The following CFAP61 variants were observed in gnomAD, a reference collection of about 807,000 sequenced individuals.
The protein encoded by CFAP61 is cilia and flagella associated protein 61, also known as cilia- and flagella-associated protein 61.
A neutral mutation model predicts 135.6 loss-of-function variants in CFAP61; 107 were observed. The observed-to-expected ratio is 0.79, with a 90% confidence interval of 0.67 to 0.93. CFAP61 has a LOEUF of 0.93. Among genes scored for constraint, CFAP61 ranks in the 40% least tolerant of loss-of-function variants. The pLI is 0.00. For missense variants in CFAP61, 1,507 were observed against 1,556.2 expected, an observed-to-expected ratio of 0.97 and a Z score of 0.53; for synonymous variants, 575 against 578.5, an observed-to-expected ratio of 0.99 and a Z score of 0.09.
chr20:20,120,732 GA>G (rs1223462882), intron 8 of CFAP61, among the ~76,000 whole-genome samples: 1 of 152,130 alleles, frequency 6.6e-6, no homozygotes, highest in Non-Finnish European at 1.5e-5. Flanking sequence ...GTGGAGTGTT[GA>G]AGCCCTTACT....
intron 25 of CFAP61, among the ~76,000 whole-genome samples, chr20:20,322,361 G>A (rs970773305): frequency 1.6e-4 from 24 of 152,308 alleles, no homozygotes; most frequent in African/African-American, 5.8e-4. Flanking sequence ...GTCCCAACAT[G>A]ACTGTTGGGG....
Position 20,274,119 on chromosome 20 carries a change from G to A in CFAP61, c.2504-3047G>A, listed in dbSNP as rs544693188. Among the ~76,000 whole-genome samples, 26 of 152,046 alleles carry A rather than the reference G, an allele frequency of 1.7e-4. No homozygotes were observed. In the South Asian group the frequency reaches 3.8e-3, roughly 22 times the overall value. On this transcript the variant is annotated intron_variant, in intron 21 of 26. Coordinates refer to ENST00000245957, the MANE Select transcript of CFAP61 (RefSeq NM_015585.4). ...TTGCTGTATGACAACATTATATATG[G>A]GCATTTGAGTGAAACCCATGTTATT...
At chr20:20,268,150 A>C (rs551383951) in intron 21 of CFAP61, among the ~76,000 whole-genome samples, 3 of 152,324 alleles carry the variant, frequency 2.0e-5, no homozygotes, top group Admixed American at 6.5e-5. Context: ...TTACTCCCTC[A>C]GTGCTAATTT....
rs538447182 is a variant in CFAP61 at position 20,179,070 on chromosome 20, A to G, written c.1386-8860A>G. Among the ~76,000 whole-genome samples the G allele has an allele frequency of 2.1e-4, 32 of 152,334 alleles. No individual in the cohort carries two copies. In the South Asian group the frequency reaches 6.0e-3, roughly 29 times the overall value. ...AAGACATAAAGGGCATCCAGATAGG[A>G]AGAGAGGAAGTCAAACTATTCCTGT... On this transcript the variant is annotated intron_variant, in intron 13 of 26. Transcript: ENST00000245957.
At chr20:20,181,515 C>T (rs2055098765) in intron 13 of CFAP61, among the ~76,000 whole-genome samples, 1 of 152,064 alleles carries the variant, frequency 6.6e-6, no homozygotes, top group Admixed American at 6.6e-5. Flanking sequence ...TCTGAGGACT[C>T]AAGAAGGGGC....
intron 24 of CFAP61, among the ~76,000 whole-genome samples, chr20:20,290,614 A>C (rs2054932187): frequency 6.6e-6 from 1 of 152,216 alleles, no homozygotes; most frequent in Non-Finnish European, 1.5e-5. Flanking sequence ...CTGTGTAGCC[A>C]ACAGGATATT....
At chr20:20,206,113 T>C (rs1397177623) in intron 17 of CFAP61, among the ~76,000 whole-genome samples, 1 of 152,156 alleles carries the variant, frequency 6.6e-6, no homozygotes, top group Non-Finnish European at 1.5e-5. Context: ...TGTAAGGATA[T>C]GATAGAGAAG....
chr20:20,296,314 C>G (rs867579877), intron 24 of CFAP61, among the ~76,000 whole-genome samples: 1 of 61,296 alleles, frequency 1.6e-5, no homozygotes, highest in Non-Finnish European at 3.4e-5. Flanking sequence ...TTCCTTCCTT[C>G]CCTCCTTCCT....
intron 18 of CFAP61, 77 bp from the exon 19 acceptor site, chr20:20,246,040 A>C: frequency 1.1e-6 from 1 of 885,184 alleles, no homozygotes; most frequent in South Asian, 1.5e-5. Context: ...CGTGATATAA[A>C]GTTAAATTGA....
chr20:20,346,600 G>A (rs1333336407), intron 26 of CFAP61, among the ~76,000 whole-genome samples: 1 of 151,962 alleles, frequency 6.6e-6, no homozygotes, highest in Non-Finnish European at 1.5e-5. Context: ...CCTTGTGGAG[G>A]TAAAGAGAGG....
At chr20:20,243,826 C>T (rs972279540) in intron 18 of CFAP61, among the ~76,000 whole-genome samples, 1 of 152,104 alleles carries the variant, frequency 6.6e-6, no homozygotes, top group African/African-American at 2.4e-5. Flanking sequence ...CTGCCTATGA[C>T]CATGTAAAAT....
chr20:20,287,019 A>G (rs566260113), intron 22 of CFAP61, among the ~76,000 whole-genome samples: 1 of 152,334 alleles, frequency 6.6e-6, no homozygotes, highest in East Asian at 1.9e-4. Context: ...TTAAATTCAA[A>G]TCAGATATCT....
intron 17 of CFAP61, chr20:20,200,577 T>G (rs1427181526): frequency 1.1e-5 from 4 of 369,420 alleles, no homozygotes; most frequent in Admixed American, 6.5e-5. Flanking sequence ...AAACATAATT[T>G]TCTCATGTTG....
At chr20:20,320,347 AAT>A (rs1234237479) in intron 25 of CFAP61, among the ~76,000 whole-genome samples, 14 of 48,656 alleles carry the variant, frequency 2.9e-4, no homozygotes, top group African/African-American at 9.9e-4. Flanking sequence ...ATATATATGT[AAT>A]ATATATAATA....
intron 2 of CFAP61, among the ~76,000 whole-genome samples, chr20:20,062,652 A>G (rs1295463575): frequency 6.6e-6 from 1 of 152,236 alleles, no homozygotes; most frequent in Non-Finnish European, 1.5e-5. Context: ...AAGTAATGTG[A>G]AAAGGACATA....
intron 26 of CFAP61, among the ~76,000 whole-genome samples, chr20:20,345,517 G>A (rs191253118): frequency 6.8e-4 from 104 of 152,242 alleles, no homozygotes; most frequent in Non-Finnish European, 1.3e-3. Flanking sequence ...ATATCCTAGA[G>A]CTTGGTATAT....
chr20:20,357,454 GTGCGGGGAGGTGGTCATAC>G (rs1295103140), intron 26 of CFAP61, among the ~76,000 whole-genome samples: 5 of 35,294 alleles, frequency 1.4e-4, no homozygotes, highest in Non-Finnish European at 1.6e-4. Context: ...TGGTCACAGT[GTGCGGGGAGGTGGTCATAC>G]TGAGGGGAGG....
chr20:20,277,196 A>G lies in CFAP61; in HGVS notation c.2534A>G (p.Asp845Gly). 6.2e-7 allele frequency: 1 copy of G among 1,612,838 alleles called. No homozygotes were observed. The highest frequency in any genetic ancestry group is 8.5e-7 in the Non-Finnish European group (1 of 1,179,324). The change falls in exon 22 of 27, where the codon GAT (aspartate) becomes GGT (glycine). Residue 845 changes from aspartate (D) to glycine (G), a missense_variant. By Grantham distance (94) the Asp-to-Gly change is moderately conservative. Transcript: ENST00000245957. ...ATCATTGTCTATGGGAATACAATTG[A>G]TACTTACACCACCGTGGAGACGCTC... ...GNIIVYGNTI[D>G]TYTTVETLLN...
chr20:20,292,821 G>A (rs1327803008), intron 24 of CFAP61, among the ~76,000 whole-genome samples: 3 of 152,052 alleles, frequency 2.0e-5, no homozygotes, highest in Admixed American at 6.5e-5. Flanking sequence ...TGGAAGCTGC[G>A]TTGCCTTTTA....
Sources: allele counts gnomAD v4.1 joint callset (sites outside exome capture counted in the v4.1 genomes callset), GRCh38; gene constraint gnomAD v4.1.1; transcripts MANE v1.5; gene names NCBI Gene and HGNC (gene_info 2026-07-23, HGNC 2026-07-21).